NBAS: variants seen among roughly 807,000 people sequenced by gnomAD.
NBAS encodes NAG/BC035112 fusion.
In NBAS, 219 loss-of-function variants were observed where a neutral mutation model predicts 302.5. The observed-to-expected ratio is 0.72, with a 90% CI of 0.65 to 0.81. NBAS has a LOEUF of 0.81. NBAS is among the 30% of genes least tolerant of loss of function. The probability of loss-of-function intolerance (pLI) is 0.00; values close to 1 mark genes in which losing one functional copy is unlikely to be tolerated. For missense variants in NBAS, 2,932 were observed against 2,841.6 expected, an observed-to-expected ratio of 1.03 and a Z score of -0.72; for synonymous variants, 1,118 against 1,021.6, an observed-to-expected ratio of 1.09 and a Z score of -1.80.
intron 25 of NBAS, among the ~76,000 whole-genome samples, chr2:15,410,046 C>T (rs1322351429): frequency 1.3e-5 from 2 of 152,196 alleles, no homozygotes; most frequent in Middle Eastern, 3.2e-3. Flanking sequence ...CCACATTCCC[C>T]ACTCCCCTAG....
At chr2:15,453,100 G>A (rs1377555950) in intron 21 of NBAS, among the ~76,000 whole-genome samples, 1 of 152,190 alleles carries the variant, frequency 6.6e-6, no homozygotes, top group Non-Finnish European at 1.5e-5. Flanking sequence ...AAGAATGCCA[G>A]ACTTCTTTAC....
intron 27 of NBAS, among the ~76,000 whole-genome samples, chr2:15,395,915 T>C (rs1675842628): frequency 6.6e-6 from 1 of 152,098 alleles, no homozygotes; most frequent in African/African-American, 2.4e-5. Flanking sequence ...GTAGAGAATA[T>C]TCCTCCAGTG....
the NBAS span, among the ~76,000 whole-genome samples, chr2:14,788,765 G>C: frequency 2.0e-5 from 3 of 152,196 alleles, no homozygotes; most frequent in African/African-American, 7.2e-5. Context: ...CAGTTAGGCT[G>C]CTCGGGGGTC....
the NBAS span, among the ~76,000 whole-genome samples, chr2:15,081,567 C>T: frequency 1.1e-4 from 16 of 152,336 alleles, no homozygotes; most frequent in South Asian, 6.2e-4. Flanking sequence ...AAAGGCATTG[C>T]GCAAGAATAC....
At chr2:15,002,319 A>C in the NBAS span, among the ~76,000 whole-genome samples, 2 of 152,120 alleles carry the variant, frequency 1.3e-5, no homozygotes, top group Non-Finnish European at 2.9e-5. Context: ...CTAGATACAC[A>C]GTGTCGATTG....
At chr2:15,272,792 C>G (rs1299094103) in intron 44 of NBAS, among the ~76,000 whole-genome samples, 4 of 152,086 alleles carry the variant, frequency 2.6e-5, no homozygotes, top group Non-Finnish European at 5.9e-5. Context: ...CACCTCTAAC[C>G]CAACAAAATA....
chr2:15,108,263 A>C, the NBAS span, among the ~76,000 whole-genome samples: 1 of 152,106 alleles, frequency 6.6e-6, no homozygotes, highest in African/African-American at 2.4e-5. Context: ...GGGCACTTTT[A>C]ATTTACCTAA....
Position 15,328,197 on chromosome 2 carries a change from A to G in NBAS, c.4461+2T>C, listed in dbSNP as rs199627281. The G allele has an allele frequency of 7.4e-6, 12 of 1,611,486 alleles. No homozygotes were observed. The highest frequency in any genetic ancestry group is 1.0e-5 in the Non-Finnish European group (12 of 1,177,900). ...CTATCTTCCTAGACACGCTGTCCTT[A>G]CCTCAGCGACAAAAGGATTTGAGAT... is the stretch of plus-strand genomic sequence containing the variant. On this transcript the variant is annotated splice_donor_variant, in intron 37 of 51. Coordinates refer to ENST00000281513, the MANE Select transcript of NBAS (RefSeq NM_015909.4). LOFTEE classifies it high-confidence loss of function.
chr2:15,190,157 C>A, intron 49 of NBAS, 107 bp downstream of exon 49: 1 of 1,286,288 alleles, frequency 7.8e-7, no homozygotes. Context: ...TGACTACGCA[C>A]ACACATATAA....
rs140631180 is a variant in NBAS, at chr2:15,184,576, C to T, written c.6711+2166G>A. On this transcript the variant is annotated intron_variant, in intron 50 of 51. Coordinates refer to ENST00000281513, the MANE Select transcript of NBAS (RefSeq NM_015909.4). Reference sequence around the variant, plus strand: ...CTCCTATAAGAATCTTGTGCCACCACTGATACGACAGGAGGTGGAACTGAG... The same window carrying T: ...CTCCTATAAGAATCTTGTGCCACCATTGATACGACAGGAGGTGGAACTGAG... Among the ~76,000 whole-genome samples, 14 of 152,258 alleles carry T rather than the reference C, an allele frequency of 9.2e-5. No individual in the cohort carries two copies. In the East Asian group the frequency reaches 2.5e-3, roughly 27 times the overall value.
the NBAS span, among the ~76,000 whole-genome samples, chr2:15,119,372 G>C: frequency 7.1e-6 from 1 of 140,314 alleles, no homozygotes; most frequent in Non-Finnish European, 1.5e-5. Context: ...GCAGTGGCAC[G>C]ATCTCAGCTC....
intron 11 of NBAS, among the ~76,000 whole-genome samples, chr2:15,493,386 G>A (rs771054425): frequency 8.5e-5 from 13 of 152,134 alleles, no homozygotes; most frequent in African/African-American, 2.2e-4. Context: ...AGTATACCTC[G>A]GCCAGGTGCA....
At chr2:15,020,393 G>A in the NBAS span, among the ~76,000 whole-genome samples, 2 of 152,200 alleles carry the variant, frequency 1.3e-5, no homozygotes, top group African/African-American at 2.4e-5. Flanking sequence ...GGTGAATGGT[G>A]AGCAAAGATG....
the NBAS span, among the ~76,000 whole-genome samples, chr2:14,782,375 C>G: frequency 6.6e-6 from 1 of 152,130 alleles, no homozygotes; most frequent in African/African-American, 2.4e-5. Context: ...TATCACTGAT[C>G]GTTAGAGAAA....
At chr2:15,478,732 C>CT (rs1287610819) in intron 12 of NBAS, among the ~76,000 whole-genome samples, 1 of 152,090 alleles carries the variant, frequency 6.6e-6, no homozygotes, top group Non-Finnish European at 1.5e-5. Context: ...CCTCCTAGTC[C>CT]TTTTTATGAC....
intron 38 of NBAS, among the ~76,000 whole-genome samples, chr2:15,326,389 C>A (rs559185202): frequency 6.6e-6 from 1 of 152,120 alleles, no homozygotes; most frequent in South Asian, 2.1e-4. Context: ...CCAATGTTTG[C>A]GAATGTTTTG....
intron 12 of NBAS, among the ~76,000 whole-genome samples, chr2:15,487,237 C>T (rs950099961): frequency 6.6e-6 from 1 of 152,188 alleles, no homozygotes; most frequent in African/African-American, 2.4e-5. Flanking sequence ...ACTTTATCAT[C>T]ATGCATTGAT....
At chr2:14,843,400 T>C in the NBAS span, among the ~76,000 whole-genome samples, 1 of 152,134 alleles carries the variant, frequency 6.6e-6, no homozygotes, top group Non-Finnish European at 1.5e-5. Context: ...CTACATGATC[T>C]AATACTTAGA....
chr2:14,843,495 TA>T, the NBAS span, among the ~76,000 whole-genome samples: 14 of 151,734 alleles, frequency 9.2e-5, no homozygotes, highest in African/African-American at 3.2e-4. Flanking sequence ...GGTGGACAAA[TA>T]TGAGGCTCCA....
Sources: gnomAD v4.1 joint callset for allele counts (sites outside exome capture counted in the v4.1 genomes callset) on GRCh38, gnomAD v4.1.1 for gene constraint, MANE v1.5 for transcripts, NCBI Gene and HGNC (gene_info 2026-07-23, HGNC 2026-07-21) for gene names.